The following SLC25A32 variants were observed in gnomAD, a reference collection of about 807,000 sequenced individuals.
SLC25A32 encodes the protein solute carrier family 25 member 32.
Under a neutral mutation model 39.0 loss-of-function variants are expected in SLC25A32, and 32 were observed. The observed-to-expected ratio is 0.82, with a 90% CI of 0.62 to 1.10. The LOEUF (loss-of-function observed/expected upper bound fraction) is 1.10, where lower values mean the gene tolerates loss of function less well. SLC25A32 is among the 50% of genes least tolerant of loss of function. The pLI is 0.00. For missense variants in SLC25A32, 367 were observed against 395.3 expected, an observed-to-expected ratio of 0.93 and a Z score of 0.61; for synonymous variants, 166 against 152.4, an observed-to-expected ratio of 1.09 and a Z score of -0.66.
At chr8:103,402,254 A>G (rs1297833946) in intron 4 of SLC25A32, 200 bp from the exon 5 acceptor site, 1 of 444,178 alleles carries the variant, frequency 2.3e-6, no homozygotes, top group Non-Finnish European at 4.0e-6. Context: ...TTTATTTTTA[A>G]AGGTTTGGAT....
chr8:103,403,239 T>C lies in SLC25A32; in HGVS notation c.477A>G (p.Pro159=). 1 of 1,612,960 alleles carries C rather than the reference T, an allele frequency of 6.2e-7. No individual in the cohort carries two copies. Among genetic ancestry groups the C allele is most frequent in the Non-Finnish European group, 8.5e-7 (1 of 1,179,236 alleles). The part of the protein sequence containing the change: ...MLQYDAVVNS[P]HRQYKGMFDT... ...CAAACATTCCTTTATATTGTCGGTG[T>C]GGGGAGTTAACAACAGCATCATACT... The change falls in exon 4 of 7, where the codon CCA becomes CCG. Residue 159 remains proline (P), a synonymous_variant. Transcript: ENST00000297578.
At position 103,403,161 on chromosome 8, in the gene SLC25A32, T is replaced by C. The variant is rs781045688; in HGVS notation, c.552+3A>G. ...TATTTAAAATATATTGATAATTTGTTACCTTATATAATCCACGCACACCTT... is the reference window on the plus strand; with the variant it reads ...TATTTAAAATATATTGATAATTTGTCACCTTATATAATCCACGCACACCTT... On this transcript the variant is annotated splice_donor_region_variant and intron_variant, in intron 4 of 6. Transcript: ENST00000297578. 6.4e-7 allele frequency: 1 copy of C among 1,564,556 alleles called. No homozygotes were observed. Among genetic ancestry groups the C allele is most frequent in the Non-Finnish European group, 8.7e-7 (1 of 1,150,776 alleles).
rs986280726 is a variant in SLC25A32 at position 103,399,016 on chromosome 8, C to T, written c.*1395G>A. ...ACAAATAGATGGTAGTGCAACAGCA[C>T]TCGTGGATGTTTACGATAAATAAAA... On this transcript the variant is annotated 3_prime_UTR_variant, in exon 7 of 7. Coordinates refer to ENST00000297578, the MANE Select transcript of SLC25A32 (RefSeq NM_030780.5). 6.6e-6 allele frequency: 1 copy of T among 152,172 alleles called. No individual in the cohort carries two copies. Among genetic ancestry groups the T allele is most frequent in the Admixed American group, 6.5e-5 (1 of 15,288 alleles). The allele number at this position is 152,172 out of a possible 1,614,324, so 9.4% of individuals were successfully genotyped here. A position where few individuals can be genotyped will look rare whatever the true frequency, so the allele number is the denominator to read the frequency against.
rs570587029 is a variant in SLC25A32 at position 103,398,926 on chromosome 8, A to T, written c.*1485T>A. Reference sequence around the variant, plus strand: ...AAAAACAATGCCTTTTCCAAAATATAAAAAAAAGACCTATTTTTAAAGAAC... The same window carrying T: ...AAAAACAATGCCTTTTCCAAAATATTAAAAAAAGACCTATTTTTAAAGAAC... On this transcript the variant is annotated 3_prime_UTR_variant, in exon 7 of 7. Transcript: ENST00000297578. The T allele has an allele frequency of 1.2e-4, 19 of 152,160 alleles. No individual in the cohort carries two copies. The East Asian group carries it at 3.1e-3, about 25-fold the overall frequency. 9.4% of individuals were successfully genotyped at this position (152,160 alleles called of 1,614,324 possible). A position where few individuals can be genotyped will look rare whatever the true frequency, so the allele number is the denominator to read the frequency against.
At chr8:103,403,435 A>C (rs1586111747) in intron 3 of SLC25A32, 111 bp from the exon 4 acceptor site, 14 of 654,314 alleles carry the variant, frequency 2.1e-5, no homozygotes, top group Admixed American at 2.8e-5. Flanking sequence ...AAAAAAGATA[A>C]TGCACAGGAC....
In SLC25A32 at chr8:103,403,250, C is replaced by A. The variant is rs766292331; in HGVS notation, c.466G>T (p.Val156Phe). ...TTATATTGTCGGTGTGGGGAGTTAA[C>A]AACAGCATCATACTGTAACATAAGG... ...TRLMLQYDAV[V>F]NSPHRQYKGM... Residue 156 changes from valine (V) to phenylalanine (F), a missense_variant, in exon 4 of 7, where the codon GTT becomes TTT. Physicochemically the swap from Val to Phe is conservative, Grantham distance 50 (BLOSUM62 -1). Coordinates refer to ENST00000297578, the MANE Select transcript of SLC25A32 (RefSeq NM_030780.5). 1.2e-6 allele frequency: 2 copies of A among 1,612,798 alleles called. No homozygotes were observed. Among genetic ancestry groups the A allele is most frequent in the Non-Finnish European group, 8.5e-7 (1 of 1,179,248 alleles).
Position 103,412,300 on chromosome 8 carries a change from C to T in SLC25A32, c.154+2484G>A, listed in dbSNP as rs532438030. 3.9e-5 allele frequency among the ~76,000 whole-genome samples: 6 copies of T among 152,310 alleles called. No homozygotes were observed. The East Asian group carries it at 1.2e-3, about 29-fold the overall frequency. On this transcript the variant is annotated intron_variant, in intron 1 of 6. Coordinates refer to ENST00000297578, the MANE Select transcript of SLC25A32 (RefSeq NM_030780.5). ...GTAGTCATAGTCTCTACATTCTTCA[C>T]AAAAGCTCACACACAACTTTAACTT...
intron 1 of SLC25A32, chr8:103,414,582 T>C (rs576059303): frequency 4.5e-6 from 3 of 663,580 alleles, no homozygotes; most frequent in African/African-American, 1.8e-5. Flanking sequence ...ACATGCCCCC[T>C]CTCTTAGTCT....
At chr8:103,402,177 A>G in intron 4 of SLC25A32, 123 bp from the exon 5 acceptor site, 2 of 614,978 alleles carry the variant, frequency 3.3e-6, no homozygotes, top group South Asian at 5.4e-5. Context: ...ATTTTGCACA[A>G]ATCACATTTT....
intron 1 of SLC25A32, among the ~76,000 whole-genome samples, chr8:103,410,754 G>T (rs1240155794): frequency 2.0e-5 from 3 of 152,148 alleles, no homozygotes; most frequent in East Asian, 3.9e-4. Context: ...AAATGCCAAT[G>T]GACACAAGCT....
intron 1 of SLC25A32, among the ~76,000 whole-genome samples, chr8:103,410,376 C>G (rs960556658): frequency 6.6e-6 from 1 of 152,166 alleles, no homozygotes; most frequent in African/African-American, 2.4e-5. Context: ...TACAGCTGCT[C>G]CCCATTGCTT....
intron 2 of SLC25A32, among the ~76,000 whole-genome samples, chr8:103,405,419 G>A (rs1816308433): frequency 6.6e-6 from 1 of 152,182 alleles, no homozygotes; most frequent in South Asian, 2.1e-4. Context: ...GTAGTATTGA[G>A]CTGGGTATTG....
intron 1 of SLC25A32, among the ~76,000 whole-genome samples, chr8:103,413,775 A>G (rs116023130): frequency 5.4e-4 from 83 of 152,322 alleles, no homozygotes; most frequent in African/African-American, 2.0e-3. Context: ...TCAAAATATT[A>G]GCCCTTCTAT....
rs1816295579 is a variant in SLC25A32, at chr8:103,404,877, G to A, written c.306-16C>T. On this transcript the variant is annotated splice_polypyrimidine_tract_variant and intron_variant, in intron 2 of 6. Coordinates refer to ENST00000297578, the MANE Select transcript of SLC25A32 (RefSeq NM_030780.5). ...GGCATTGTAACTAAAAGAATTAAATGTGAGCAGTTTAATTTGAATAGGTGT... is the reference window on the plus strand; with the variant it reads ...GGCATTGTAACTAAAAGAATTAAATATGAGCAGTTTAATTTGAATAGGTGT... 6.4e-7 allele frequency: 1 copy of A among 1,560,894 alleles called. No homozygotes were observed. Among genetic ancestry groups the A allele is most frequent in the Non-Finnish European group, 8.8e-7 (1 of 1,132,894 alleles).
In SLC25A32 at chr8:103,401,912, TG is replaced by T. The variant is rs755289808; in HGVS notation, c.666+28del. The T allele has an allele frequency of 2.0e-5, 32 of 1,561,226 alleles. No homozygotes were observed. In the African/African-American group the frequency reaches 4.2e-4, roughly 21 times the overall value. On this transcript the variant is annotated intron_variant, in intron 5 of 6. Transcript: ENST00000297578. ...CCTATTAAATACCCATAAAAGGAAA[TG>T]ATATCATTTTTACAAGAATAATCTT...
rs776537304 is a variant in SLC25A32, at chr8:103,407,669, C to A, written c.270G>T (p.Trp90Cys). ...AGAGTCCCCAGGATAAACCTGCACC[C>A]CATATATTTGGGGTTACTCCTTGAT... ...GLYQGVTPNI[W>C]GAGLSWGLYF... The change falls in exon 2 of 7, where the codon TGG (tryptophan) becomes TGT (cysteine). Residue 90 changes from tryptophan to cysteine, a missense_variant. Transcript: ENST00000297578. 6 of 1,605,036 alleles carry A rather than the reference C, an allele frequency of 3.7e-6. No homozygotes were observed. The highest frequency in any genetic ancestry group is 5.1e-6 in the Non-Finnish European group (6 of 1,174,724).
At chr8:103,404,088 C>A (rs1036417166) in intron 3 of SLC25A32, among the ~76,000 whole-genome samples, 1 of 152,122 alleles carries the variant, frequency 6.6e-6, no homozygotes, top group African/African-American at 2.4e-5. Flanking sequence ...ACGGCTCTTA[C>A]TGTTTTTTCC....
chr8:103,415,077 G>C lies in SLC25A32; in HGVS notation c.-140C>G, dbSNP rs764280139. On this transcript the variant is annotated 5_prime_UTR_variant, in exon 1 of 7. Transcript: ENST00000297578. Reference sequence around the variant, plus strand: ...CAACGAGAGGACTCTTATGCCCAAGGCGCGTGAGCGAAGCCGGAGACTCTA... The same window carrying C: ...CAACGAGAGGACTCTTATGCCCAAGCCGCGTGAGCGAAGCCGGAGACTCTA... The C allele has an allele frequency of 1.1e-5, 17 of 1,609,008 alleles. No individual in the cohort carries two copies. The South Asian group carries it at 1.5e-4, about 15-fold the overall frequency.
chr8:103,400,290 T>C lies in SLC25A32; in HGVS notation c.*121A>G, dbSNP rs1816189139. 8.5e-7 allele frequency: 1 copy of C among 1,178,966 alleles called. No homozygotes were observed. Among genetic ancestry groups the C allele is most frequent in the Non-Finnish European group, 1.2e-6 (1 of 823,360 alleles). The allele number at this position is 1,178,966 out of a possible 1,614,324, so 73.0% of individuals were successfully genotyped here. A position where few individuals can be genotyped will look rare whatever the true frequency, so the allele number is the denominator to read the frequency against. On this transcript the variant is annotated 3_prime_UTR_variant, in exon 7 of 7. Coordinates refer to ENST00000297578, the MANE Select transcript of SLC25A32 (RefSeq NM_030780.5). The stretch of plus-strand genomic sequence containing the variant: ...GACTTAGCAGTTCTCTGGCTTCTAA[T>C]GACTATAGAGCAATTTCGAATATGA...
Sources: allele counts gnomAD v4.1 joint callset (sites outside exome capture counted in the v4.1 genomes callset), GRCh38; gene constraint gnomAD v4.1.1; transcripts MANE v1.5; gene names NCBI Gene and HGNC (gene_info 2026-07-23, HGNC 2026-07-21).